Variants in PLCL1 observed in about 807,000 individuals in gnomAD.
PLCL1 encodes the protein inactive phospholipase C-like protein 1.
A neutral mutation model predicts 84.4 loss-of-function variants in PLCL1; 41 were observed. The observed-to-expected ratio is 0.49, with a 90% CI of 0.38 to 0.63. The LOEUF (loss-of-function observed/expected upper bound fraction) is 0.63. Among genes scored for constraint, PLCL1 ranks in the 30% least tolerant of loss-of-function variants. The probability of loss-of-function intolerance (pLI) is 0.00; values close to 1 mark genes in which losing one functional copy is unlikely to be tolerated. For synonymous variants in PLCL1, 490 were observed against 488.3 expected (o/e 1.00, Z -0.05); for missense variants, 1,206 against 1,367.8 (o/e 0.88, Z 1.87).
intron 1 of PLCL1, among the ~76,000 whole-genome samples, chr2:197,914,385 A>G (rs1379845080): frequency 6.6e-6 from 1 of 150,486 alleles, no homozygotes; most frequent in Admixed American, 6.6e-5. Flanking sequence ...GCTGGAGTGC[A>G]CTGGCACAAT....
intron 1 of PLCL1, among the ~76,000 whole-genome samples, chr2:197,899,397 C>G (rs1346173461): frequency 6.6e-6 from 1 of 151,744 alleles, no homozygotes; most frequent in African/African-American, 2.4e-5. Context: ...TGTCTGAATA[C>G]CTACTGGTAC....
rs78954008 is a variant in PLCL1 at position 197,889,583 on chromosome 2, G to A, written c.240+84244G>A. ...TTAGAAGAACCCAAGAAGCAAATAT[G>A]TTCAAGTTTTTAGGCTACACCAACA... is the stretch of plus-strand genomic sequence containing the variant. On this transcript the variant is annotated intron_variant, in intron 1 of 5. Transcript: ENST00000428675. 7.0e-3 allele frequency among the ~76,000 whole-genome samples: 1,060 copies of A among 152,262 alleles called. 18 individuals carry two copies. Among genetic ancestry groups the A allele is most frequent in the African/African-American group, 0.024 (993 of 41,554 alleles).
At chr2:197,967,556 T>C (rs887503829) in intron 1 of PLCL1, among the ~76,000 whole-genome samples, 3 of 152,240 alleles carry the variant, frequency 2.0e-5, no homozygotes, top group Non-Finnish European at 2.9e-5. Context: ...AACACTGCTT[T>C]CCATTTTATA....
chr2:197,861,290 A>T (rs1687430389), intron 1 of PLCL1, among the ~76,000 whole-genome samples: 1 of 152,162 alleles, frequency 6.6e-6, no homozygotes. Context: ...AAGCCTCCAT[A>T]AAAGCTTTGG....
rs191290195 is a variant in PLCL1, at chr2:198,076,228, G to C, written c.241-7530G>C. Among the ~76,000 whole-genome samples the C allele has an allele frequency of 7.0e-4, 105 of 151,056 alleles. 3 individuals are homozygous for C. The South Asian group carries it at 0.014, about 20-fold the overall frequency. ...TGCCTGTAGAACATCAATTATTTTT[G>C]CTTCCAAGTGAAGAGAGTCATTTCA... On this transcript the variant is annotated intron_variant, in intron 1 of 5. Transcript: ENST00000428675.
intron 1 of PLCL1, among the ~76,000 whole-genome samples, chr2:197,965,810 A>G (rs1574972737): frequency 6.6e-6 from 1 of 152,244 alleles, no homozygotes; most frequent in Non-Finnish European, 1.5e-5. Context: ...CCTATTGGCC[A>G]TTCAGGAACA....
At position 197,810,646 on chromosome 2, in the gene PLCL1, C is replaced by T. The variant is rs546454554; in HGVS notation, c.240+5307C>T. Among the ~76,000 whole-genome samples the T allele has an allele frequency of 1.9e-3, 296 of 152,252 alleles. 3 individuals are homozygous for T. Among genetic ancestry groups the T allele is most frequent in the Non-Finnish European group, 3.3e-3 (223 of 68,020 alleles). ...TTATGAAAAGATATCAGGAGACAGC[C>T]GACCTTACCTTGGTGCTACTGAACA... On this transcript the variant is annotated intron_variant, in intron 1 of 5. Coordinates refer to ENST00000428675, the MANE Select transcript of PLCL1 (RefSeq NM_006226.4).
chr2:197,961,121 A>G (rs1346570543), intron 1 of PLCL1, among the ~76,000 whole-genome samples: 2 of 152,084 alleles, frequency 1.3e-5, no homozygotes, highest in Non-Finnish European at 2.9e-5. Flanking sequence ...CCATTTCAGT[A>G]GAAATGCTTT....
At chr2:198,115,202 G>A (rs79784778) in intron 5 of PLCL1, among the ~76,000 whole-genome samples, 2 of 151,788 alleles carry the variant, frequency 1.3e-5, no homozygotes, top group African/African-American at 4.8e-5. Flanking sequence ...ATGAGAGTGG[G>A]TCAAAGTTCC....
chr2:197,990,151 T>A lies in PLCL1; in HGVS notation c.241-93607T>A, dbSNP rs1690311330. Among the ~76,000 whole-genome samples, 5 of 152,278 alleles carry A rather than the reference T, an allele frequency of 3.3e-5. No individual in the cohort carries two copies. In the South Asian group the frequency reaches 1.0e-3, roughly 32 times the overall value. On this transcript the variant is annotated intron_variant, in intron 1 of 5. Coordinates refer to ENST00000428675, the MANE Select transcript of PLCL1 (RefSeq NM_006226.4). ...CAGCAGACCACTTGAGGAAGACACA[T>A]TAGACCTAAACGAGCTCATCAGAGC...
intron 4 of PLCL1, 28 bp downstream of exon 4, chr2:198,101,388 T>A: frequency 1.6e-6 from 2 of 1,243,546 alleles, no homozygotes; most frequent in Non-Finnish European, 2.3e-6. Context: ...TTTTTTCTGT[T>A]TTTTTTTTCT....
intron 1 of PLCL1, among the ~76,000 whole-genome samples, chr2:197,857,333 C>A (rs983477865): frequency 3.9e-5 from 6 of 152,112 alleles, no homozygotes; most frequent in African/African-American, 1.2e-4. Flanking sequence ...ACCACCAGTA[C>A]AACCTCTGCA....
chr2:197,872,302 TCAC>T (rs1458441172), intron 1 of PLCL1, among the ~76,000 whole-genome samples: 1 of 152,106 alleles, frequency 6.6e-6, no homozygotes, highest in African/African-American at 2.4e-5. Context: ...ACAATACCAA[TCAC>T]CTATCCTATT....
chr2:197,813,517 T>C (rs1424072731), intron 1 of PLCL1, among the ~76,000 whole-genome samples: 1 of 152,106 alleles, frequency 6.6e-6, no homozygotes, highest in South Asian at 2.1e-4. Flanking sequence ...TTTAGAAATG[T>C]TATTAATAGT....
At chr2:198,043,229 A>G (rs980327696) in intron 1 of PLCL1, among the ~76,000 whole-genome samples, 1 of 152,258 alleles carries the variant, frequency 6.6e-6, no homozygotes, top group African/African-American at 2.4e-5. Flanking sequence ...CCCAACATTT[A>G]AATGGAAAGA....
chr2:198,050,376 T>C (rs1396508150), intron 1 of PLCL1, among the ~76,000 whole-genome samples: 2 of 152,030 alleles, frequency 1.3e-5, no homozygotes, highest in Non-Finnish European at 2.9e-5. Flanking sequence ...GAGGATCCTT[T>C]ATCCCTCTTA....
chr2:197,921,101 T>G (rs145310532), intron 1 of PLCL1, among the ~76,000 whole-genome samples: 62 of 152,344 alleles, frequency 4.1e-4, no homozygotes, highest in African/African-American at 1.4e-3. Context: ...GAATGCAGCA[T>G]GTTACTGTAC....
At chr2:197,992,159 AC>A (rs1690359061) in intron 1 of PLCL1, among the ~76,000 whole-genome samples, 5 of 151,992 alleles carry the variant, frequency 3.3e-5, no homozygotes, top group Admixed American at 1.3e-4. Flanking sequence ...GGTGTGCTGC[AC>A]CCACCAACTT....
chr2:198,108,362 T>G (rs1306143188), intron 5 of PLCL1, among the ~76,000 whole-genome samples: 1 of 151,886 alleles, frequency 6.6e-6, no homozygotes, highest in African/African-American at 2.4e-5. Flanking sequence ...GAGTGGGAAT[T>G]AACCAATTCT....
Sources: allele counts gnomAD v4.1 joint callset (sites outside exome capture counted in the v4.1 genomes callset), GRCh38; gene constraint gnomAD v4.1.1; transcripts MANE v1.5; gene names NCBI Gene and HGNC (gene_info 2026-07-23, HGNC 2026-07-21).